ADAM18: variants seen among roughly 807,000 people sequenced by gnomAD.
ADAM18 encodes the protein disintegrin and metalloproteinase domain-containing protein 18.
A neutral mutation model predicts 94.4 loss-of-function variants in ADAM18; 117 were observed. The observed-to-expected ratio is 1.24, with a 90% CI of 1.07 to 1.45. The LOEUF is 1.45. Ranked by LOEUF, ADAM18 falls within the 40% of genes most tolerant of loss-of-function variation. The pLI, the probability that ADAM18 is intolerant of heterozygous loss-of-function variation, is 0.00. For missense variants in ADAM18, 936 were observed against 880.0 expected, an observed-to-expected ratio of 1.06 and a Z score of -0.81; for synonymous variants, 327 against 291.6, an observed-to-expected ratio of 1.12 and a Z score of -1.24.
At chr8:39,667,869 C>A (rs557393677) in intron 13 of ADAM18, 129 bp from the exon 14 acceptor site, 15 of 909,458 alleles carry the variant, frequency 1.6e-5, no homozygotes, top group Non-Finnish European at 2.5e-5. Flanking sequence ...GGCAAACTCA[C>A]GGACTTGGGA....
intron 17 of ADAM18, among the ~76,000 whole-genome samples, chr8:39,700,227 A>G (rs1822025746): frequency 6.6e-6 from 1 of 152,232 alleles, no homozygotes; most frequent in South Asian, 2.1e-4. Flanking sequence ...CATCAAATTT[A>G]TCAACAAATA....
chr8:39,642,111 G>A (rs1056052744), intron 10 of ADAM18, among the ~76,000 whole-genome samples: 1 of 151,894 alleles, frequency 6.6e-6, no homozygotes, highest in Admixed American at 6.6e-5. Context: ...GGAGTTGTTA[G>A]TTTTTGTCTT....
chr8:39,727,786 G>C (rs1282933153), intron 19 of ADAM18, among the ~76,000 whole-genome samples: 1 of 152,082 alleles, frequency 6.6e-6, no homozygotes, highest in African/African-American at 2.4e-5. Flanking sequence ...CCATTACCCA[G>C]TTCCAAAACT....
chr8:39,612,132 GA>G (rs562746786), intron 6 of ADAM18, among the ~76,000 whole-genome samples: 75 of 144,156 alleles, frequency 5.2e-4, no homozygotes, highest in Middle Eastern at 3.6e-3. Flanking sequence ...CTTAATTAGT[GA>G]AAAAAAAAAA....
intron 7 of ADAM18, 99 bp from the exon 8 acceptor site, chr8:39,637,165 C>T: frequency 2.2e-6 from 2 of 891,510 alleles, no homozygotes; most frequent in Non-Finnish European, 3.3e-6. Flanking sequence ...TTTAAAACAG[C>T]TCTAGATTAC....
chr8:39,701,329 C>T (rs1488436718), intron 17 of ADAM18, among the ~76,000 whole-genome samples: 1 of 150,868 alleles, frequency 6.6e-6, no homozygotes, highest in Non-Finnish European at 1.5e-5. Flanking sequence ...ATGTATTGTT[C>T]TATTTCCTAA....
chr8:39,723,085 A>G (rs182896785), intron 18 of ADAM18, among the ~76,000 whole-genome samples: 140 of 151,674 alleles, frequency 9.2e-4, no homozygotes, highest in African/African-American at 2.5e-3. Context: ...GTGCATATTC[A>G]TTTAGTTAAC....
At chr8:39,677,786 A>G (rs1350573787) in intron 15 of ADAM18, among the ~76,000 whole-genome samples, 2 of 152,336 alleles carry the variant, frequency 1.3e-5, no homozygotes, top group East Asian at 3.9e-4. Flanking sequence ...ACTGCCAGAA[A>G]TCAGAACTGC....
rs534470496 is a variant in ADAM18 at position 39,723,911 on chromosome 8, A to G, written c.2177+4A>G. 3.4e-6 allele frequency: 5 copies of G among 1,469,244 alleles called. No homozygotes were observed. The South Asian group carries it at 5.6e-5, about 17-fold the overall frequency. The allele number at this position is 1,469,244 out of a possible 1,614,324, so 91.0% of individuals were successfully genotyped here. A position where few individuals can be genotyped will look rare whatever the true frequency, so the allele number is the denominator to read the frequency against. ...GAGAGAATGCAGAGTATAATCGGTAAATATGATATAGAATCAATGTATTAG... is the reference window on the plus strand; with the variant it reads ...GAGAGAATGCAGAGTATAATCGGTAGATATGATATAGAATCAATGTATTAG... On this transcript the variant is annotated splice_donor_region_variant and intron_variant, in intron 19 of 19. Transcript: ENST00000265707.
intron 17 of ADAM18, among the ~76,000 whole-genome samples, chr8:39,703,351 A>G (rs1176851629): frequency 9.9e-5 from 15 of 152,150 alleles, no homozygotes; most frequent in Non-Finnish European, 1.5e-4. Flanking sequence ...ATTTTGCTAA[A>G]GTTGCTTATC....
At chr8:39,722,317 A>T (rs1017190740) in intron 18 of ADAM18, among the ~76,000 whole-genome samples, 1 of 147,724 alleles carries the variant, frequency 6.8e-6, no homozygotes, top group African/African-American at 2.5e-5. Flanking sequence ...ATATTTCTTT[A>T]TATATATATC....
In ADAM18 at chr8:39,680,084, C is replaced by T. The variant is rs140616028; in HGVS notation, c.1679C>T (p.Ala560Val). The T allele has an allele frequency of 6.2e-7, 1 of 1,613,530 alleles. No homozygotes were observed. Among genetic ancestry groups the T allele is most frequent in the Admixed American group, 1.7e-5 (1 of 59,880 alleles). Reference protein sequence around the residue: ...KLACVQPHKNANKSDAQSTVY... With the variant: ...KLACVQPHKNVNKSDAQSTVY... ...GCTTGTGTTCAGCCACATAAAAATG[C>T]TAATAAAAGTGACGCTCAATCTACA... The change falls in exon 16 of 20, where the codon GCT becomes GTT. Residue 560 changes from alanine to valine, a missense_variant. Physicochemically the swap from Ala to Val is moderately conservative, Grantham distance 64. Transcript: ENST00000265707.
intron 3 of ADAM18, among the ~76,000 whole-genome samples, chr8:39,608,488 A>G (rs1345563213): frequency 6.6e-6 from 1 of 151,926 alleles, no homozygotes; most frequent in Non-Finnish European, 1.5e-5. Context: ...TGTACAAAGC[A>G]TATTTCTGCT....
chr8:39,678,789 A>G (rs1029479620), intron 15 of ADAM18, among the ~76,000 whole-genome samples: 5 of 152,240 alleles, frequency 3.3e-5, no homozygotes, highest in Non-Finnish European at 7.3e-5. Flanking sequence ...TGATAATAGT[A>G]CATGAATTTT....
At chr8:39,609,364 CA>C in intron 4 of ADAM18, 120 bp from the exon 5 acceptor site, 1 of 704,136 alleles carries the variant, frequency 1.4e-6, no homozygotes, top group African/African-American at 1.8e-5. Flanking sequence ...TGAAAATATG[CA>C]TTAATAATTA....
intron 12 of ADAM18, among the ~76,000 whole-genome samples, chr8:39,659,835 A>T (rs1032135335): frequency 1.3e-5 from 2 of 152,126 alleles, no homozygotes; most frequent in Non-Finnish European, 2.9e-5. Flanking sequence ...GCTGAAAATA[A>T]TTATAGATAC....
At chr8:39,619,898 G>A (rs987158037) in intron 6 of ADAM18, among the ~76,000 whole-genome samples, 3 of 151,966 alleles carry the variant, frequency 2.0e-5, no homozygotes, top group African/African-American at 7.2e-5. Flanking sequence ...ATCCTAAAAT[G>A]TATATGCAAC....
chr8:39,722,180 T>C (rs1822770134), intron 18 of ADAM18, among the ~76,000 whole-genome samples: 1 of 145,848 alleles, frequency 6.9e-6, no homozygotes, highest in African/African-American at 2.5e-5. Flanking sequence ...GCCTACTTTG[T>C]TGGTTATACC....
At chr8:39,684,169 TA>T (rs1402679986) in intron 16 of ADAM18, among the ~76,000 whole-genome samples, 1 of 152,068 alleles carries the variant, frequency 6.6e-6, no homozygotes. Context: ...GATAAATAAG[TA>T]AATAAACAAT....
Sources: allele counts gnomAD v4.1 joint callset (sites outside exome capture counted in the v4.1 genomes callset), GRCh38; gene constraint gnomAD v4.1.1; transcripts MANE v1.5; gene names NCBI Gene and HGNC (gene_info 2026-07-23, HGNC 2026-07-21).